ITPRID2: variants seen among roughly 807,000 people sequenced by gnomAD.
ITPRID2 encodes ITPR interacting domain containing 2, also known as protein ITPRID2.
A neutral mutation model predicts 124.3 loss-of-function variants in ITPRID2; 60 were observed. That is an observed-to-expected ratio of 0.48 (90% CI 0.39 to 0.60). The LOEUF (loss-of-function observed/expected upper bound fraction) is 0.60, where lower values mean the gene tolerates loss of function less well. Ranked by LOEUF, ITPRID2 falls within the 20% of genes least tolerant of loss-of-function variation. The pLI is 0.00. For synonymous variants in ITPRID2, 521 were observed against 542.9 expected (o/e 0.96, Z 0.56); for missense variants, 1,553 against 1,512.2 (o/e 1.03, Z -0.45).
intron 11 of ITPRID2, chr2:181,916,845 C>T (rs996576385): frequency 3.7e-5 from 37 of 1,002,344 alleles, no homozygotes; most frequent in Non-Finnish European, 4.3e-5. Context: ...AAGTTTTCTC[C>T]CTGTTGGCTT....
chr2:181,925,559 G>T (rs563200474), intron 16 of ITPRID2, among the ~76,000 whole-genome samples: 15 of 152,114 alleles, frequency 9.9e-5, no homozygotes, highest in Admixed American at 9.2e-4. Flanking sequence ...CTTCCTTTTT[G>T]TGTCTGATAT....
chr2:181,891,917 TC>T lies in ITPRID2; in HGVS notation c.-146del, dbSNP rs1220988852. ...CCTTCCTTCCCTCCCTCCCTCCCTG[TC>T]CCCTCCTCCTCCTCCTCCTCCTCCG... On this transcript the variant is annotated 5_prime_UTR_variant, in exon 1 of 18. Transcript: ENST00000431877. 2.7e-6 allele frequency: 1 copy of T among 375,060 alleles called. No homozygotes were observed. The highest frequency in any genetic ancestry group is 2.3e-5 in the African/African-American group (1 of 42,652). The allele number at this position is 375,060 out of a possible 1,614,324, so 23.2% of individuals were successfully genotyped here.
chr2:181,925,141 G>A (rs1211348097), intron 16 of ITPRID2, among the ~76,000 whole-genome samples: 2 of 152,054 alleles, frequency 1.3e-5, no homozygotes, highest in Admixed American at 6.5e-5. Flanking sequence ...CATGTATTTT[G>A]GTAAATACAC....
At chr2:181,920,113 C>T (rs879701084) in intron 14 of ITPRID2, among the ~76,000 whole-genome samples, 1 of 151,966 alleles carries the variant, frequency 6.6e-6, no homozygotes, top group African/African-American at 2.4e-5. Flanking sequence ...CTTTGAAATG[C>T]TGAAATAGTG....
chr2:181,892,817 A>G lies in ITPRID2; in HGVS notation c.257+157A>G, dbSNP rs1417682797. 8 of 773,196 alleles carry G rather than the reference A, an allele frequency of 1.0e-5. No homozygotes were observed. The highest frequency in any genetic ancestry group is 1.7e-5 in the Non-Finnish European group (8 of 471,862). 47.9% of individuals were successfully genotyped at this position (773,196 alleles called of 1,614,324 possible). On this transcript the variant is annotated intron_variant, in intron 2 of 17. Transcript: ENST00000431877. This position sits in a 1 kb window ranked among gnomAD's most constrained non-coding sequence, Gnocchi z 5.2. The stretch of plus-strand genomic sequence containing the variant: ...GGATAGCTTCCTCCTCTAAGCGATT[A>G]GAAATGGAAGTGCTGTGACCGCTGA...
At position 181,915,624 on chromosome 2, in the gene ITPRID2, A is replaced by G. The variant is rs1489022494; in HGVS notation, c.1984A>G (p.Ile662Val). The G allele has an allele frequency of 1.2e-6, 2 of 1,614,110 alleles. No homozygotes were observed. The highest frequency in any genetic ancestry group is 1.3e-5 in the African/African-American group (1 of 74,938). The part of the protein sequence containing the change: ...SEFTQYTTHH[I>V]LKSLASIEAK... ...ATTTACTCAGTATACCACACACCAT[A>G]TTCTGAAATCATTGGCTTCTATTGA... The change falls in exon 11 of 18, where the codon ATT becomes GTT. Residue 662 changes from isoleucine to valine, a missense_variant. Physicochemically the swap from Ile to Val is conservative, Grantham distance 29. Coordinates refer to ENST00000431877, the MANE Select transcript of ITPRID2 (RefSeq NM_001130445.3).
At position 181,891,921 on chromosome 2, in the gene ITPRID2, C is replaced by G; in HGVS notation, c.-146C>G. ...CCTTCCCTCCCTCCCTCCCTGTCCC[C>G]TCCTCCTCCTCCTCCTCCTCCGGCG... On this transcript the variant is annotated 5_prime_UTR_variant, in exon 1 of 18. Coordinates refer to ENST00000431877, the MANE Select transcript of ITPRID2 (RefSeq NM_001130445.3). 1 of 475,144 alleles carries G rather than the reference C, an allele frequency of 2.1e-6. No individual in the cohort carries two copies. 29.4% of individuals were successfully genotyped at this position (475,144 alleles called of 1,614,324 possible). A position where few individuals can be genotyped will look rare whatever the true frequency, so the allele number is the denominator to read the frequency against.
At position 181,909,890 on chromosome 2, in the gene ITPRID2, C is replaced by G; in HGVS notation, c.1414-9C>G. On this transcript the variant is annotated splice_polypyrimidine_tract_variant and intron_variant, in intron 8 of 17. Coordinates refer to ENST00000431877, the MANE Select transcript of ITPRID2 (RefSeq NM_001130445.3). ...CATTTGGTTTTAACTACTTAAAACT[C>G]TTCTTAAGGTTCAAAGTACGGAGGG... 6.2e-7 allele frequency: 1 copy of G among 1,611,226 alleles called. No individual in the cohort carries two copies. The highest frequency in any genetic ancestry group is 8.5e-7 in the Non-Finnish European group (1 of 1,177,852).
chr2:181,895,317 A>C (rs1012132877), intron 2 of ITPRID2, among the ~76,000 whole-genome samples: 1 of 152,104 alleles, frequency 6.6e-6, no homozygotes, highest in African/African-American at 2.4e-5. Flanking sequence ...TTTGAAAAAA[A>C]GATATTTCTC....
intron 16 of ITPRID2, among the ~76,000 whole-genome samples, chr2:181,924,603 T>A (rs548398395): frequency 2.2e-4 from 34 of 152,220 alleles, no homozygotes; most frequent in Non-Finnish European, 4.6e-4. Context: ...GTTTTCTTAC[T>A]GCGTTCATGG....
At chr2:181,920,683 A>G (rs1171972184) in intron 15 of ITPRID2, 21 bp downstream of exon 15, 3 of 1,580,298 alleles carry the variant, frequency 1.9e-6, no homozygotes, top group African/African-American at 2.7e-5. Flanking sequence ...TTCCTCTTAA[A>G]TCACTGGGGA....
chr2:181,907,999 ATG>A lies in ITPRID2; in HGVS notation c.1414-1896_1414-1895del, dbSNP rs1472163989. Among the ~76,000 whole-genome samples the A allele has an allele frequency of 6.6e-6, 1 of 152,214 alleles. No individual in the cohort carries two copies. The highest frequency in any genetic ancestry group is 1.5e-5 in the Non-Finnish European group (1 of 68,038). On this transcript the variant is annotated intron_variant, in intron 8 of 17. Transcript: ENST00000431877. The surrounding 1 kb of genome is among the most constrained non-coding windows in gnomAD (Gnocchi z 5.1). ...TCTTGAAGAATAGAATGCTGATGAT[ATG>A]TGTTTATTAAAGTCATGTTATTTTG...
At chr2:181,923,208 T>TG (rs1320297101) in intron 16 of ITPRID2, among the ~76,000 whole-genome samples, 1 of 152,098 alleles carries the variant, frequency 6.6e-6, no homozygotes, top group Non-Finnish European at 1.5e-5. Context: ...TGAGATCAGG[T>TG]AATAGGAAGG....
chr2:181,915,036 AAGTG>A (rs1336062944), intron 10 of ITPRID2, among the ~76,000 whole-genome samples, 176 bp from the exon 11 acceptor site: 1 of 152,220 alleles, frequency 6.6e-6, no homozygotes, highest in African/African-American at 2.4e-5. Context: ...CTTTGTGAGA[AAGTG>A]AGAGGAAGGA....
chr2:181,911,716 A>G (rs1693621861), intron 9 of ITPRID2, among the ~76,000 whole-genome samples: 1 of 152,246 alleles, frequency 6.6e-6, no homozygotes, highest in Admixed American at 6.5e-5. Context: ...TGTCTGACTA[A>G]AGAACCTAGA....
intron 2 of ITPRID2, chr2:181,894,481 A>G (rs1029674056): frequency 4.6e-5 from 7 of 152,266 alleles, no homozygotes; most frequent in Admixed American, 1.3e-4. Context: ...AATCTTGGCT[A>G]TATTATCACA....
intron 4 of ITPRID2, among the ~76,000 whole-genome samples, chr2:181,898,012 T>G (rs1671829916): frequency 6.6e-6 from 1 of 152,050 alleles, no homozygotes; most frequent in African/African-American, 2.4e-5. Flanking sequence ...CTTGGTAGTT[T>G]GATAATATTG....
In ITPRID2 at chr2:181,892,886, C is replaced by G. The variant is rs1292464256; in HGVS notation, c.257+226C>G. Reference sequence around the variant, plus strand: ...GACTTTACAGTTAGGACTTGAGCTACTCACGCATCGTGTTAGCATCAGAGA... The same window carrying G: ...GACTTTACAGTTAGGACTTGAGCTAGTCACGCATCGTGTTAGCATCAGAGA... On this transcript the variant is annotated intron_variant, in intron 2 of 17. Transcript: ENST00000431877. The surrounding 1 kb of genome is among the most constrained non-coding windows in gnomAD (Gnocchi z 5.2). 2 of 593,756 alleles carry G rather than the reference C, an allele frequency of 3.4e-6. No individual in the cohort carries two copies. The highest frequency in any genetic ancestry group is 2.8e-5 in the East Asian group (1 of 36,084). The allele number at this position is 593,756 out of a possible 1,614,324, so 36.8% of individuals were successfully genotyped here.
In ITPRID2 at chr2:181,909,982, C is replaced by G; in HGVS notation, c.1486+11C>G. The G allele has an allele frequency of 6.3e-7, 1 of 1,596,062 alleles. No homozygotes were observed. The highest frequency in any genetic ancestry group is 8.6e-7 in the Non-Finnish European group (1 of 1,164,394). ...CGAAGTCGAAAAGAGGTAAGTGGAC[C>G]AGTATCCACTAGTTCTGAGCACATT... On this transcript the variant is annotated intron_variant, in intron 9 of 17. Coordinates refer to ENST00000431877, the MANE Select transcript of ITPRID2 (RefSeq NM_001130445.3).
Sources: gnomAD v4.1 joint callset for allele counts (sites outside exome capture counted in the v4.1 genomes callset) on GRCh38, gnomAD v4.1.1 for gene constraint, Gnocchi (gnomAD v3.1) non-coding constraint, MANE v1.5 for transcripts, NCBI Gene and HGNC (gene_info 2026-07-23, HGNC 2026-07-21) for gene names.